Variants in GALNT13 observed in about 807,000 individuals in gnomAD.
GALNT13 encodes UDP-GalNAc:polypeptide N-acetylgalactosaminyltransferase 13.
In GALNT13, 28 loss-of-function variants were observed where a neutral mutation model predicts 64.2. The observed-to-expected ratio is 0.44, with a 90% CI of 0.32 to 0.60. The LOEUF is 0.60. GALNT13 is among the 20% of genes least tolerant of loss of function. The probability of loss-of-function intolerance (pLI) is 0.05; values close to 1 mark genes in which losing one functional copy is unlikely to be tolerated. For synonymous variants in GALNT13, 214 were observed against 224.6 expected (o/e 0.95, Z 0.42); for missense variants, 577 against 669.8 (o/e 0.86, Z 1.53).
chr2:153,933,888 T>A (rs551250856), intron 2 of GALNT13, among the ~76,000 whole-genome samples: 1 of 152,318 alleles, frequency 6.6e-6, no homozygotes, highest in South Asian at 2.1e-4. Context: ...TTAGTTGGAC[T>A]TTCTTTTCTT....
the GALNT13 span, among the ~76,000 whole-genome samples, chr2:153,076,907 G>A: frequency 1.4e-4 from 21 of 151,000 alleles, no homozygotes; most frequent in East Asian, 1.4e-3. Context: ...CTAATCTTGC[G>A]TTTTTTGTTT....
At chr2:153,927,171 CT>C (rs780144907) in intron 2 of GALNT13, among the ~76,000 whole-genome samples, 1 of 151,952 alleles carries the variant, frequency 6.6e-6, no homozygotes, top group Non-Finnish European at 1.5e-5. Flanking sequence ...AACGCTATTT[CT>C]TTCCAAAAAT....
intron 3 of GALNT13, among the ~76,000 whole-genome samples, chr2:154,070,878 G>T (rs1354735443): frequency 1.3e-5 from 2 of 151,348 alleles, no homozygotes; most frequent in Non-Finnish European, 2.9e-5. Context: ...TTGCACCGCT[G>T]AGCTCCAGCC....
At chr2:153,186,568 G>A in the GALNT13 span, among the ~76,000 whole-genome samples, 1 of 151,562 alleles carries the variant, frequency 6.6e-6, no homozygotes. Context: ...GTACTTCAGT[G>A]AGTATTTTTT....
chr2:153,848,693 C>T, the GALNT13 span, among the ~76,000 whole-genome samples: 3 of 151,862 alleles, frequency 2.0e-5, no homozygotes, highest in African/African-American at 7.2e-5. Context: ...AAAATATATG[C>T]TATCAATATG....
At chr2:153,859,554 C>T in the GALNT13 span, among the ~76,000 whole-genome samples, 2 of 151,810 alleles carry the variant, frequency 1.3e-5, no homozygotes, top group African/African-American at 4.8e-5. Context: ...AAATATTTCC[C>T]TTAGTAGAAA....
At chr2:153,884,327 A>G (rs1008491048) in intron 1 of GALNT13, among the ~76,000 whole-genome samples, 2 of 152,008 alleles carry the variant, frequency 1.3e-5, no homozygotes, top group African/African-American at 4.8e-5. Context: ...CCAGATTTCC[A>G]CAGATTCCAA....
the GALNT13 span, among the ~76,000 whole-genome samples, chr2:153,254,231 T>C: frequency 6.6e-6 from 1 of 152,232 alleles, no homozygotes; most frequent in Admixed American, 6.5e-5. Context: ...ATCCATTTCT[T>C]CTAGATTTTC....
At chr2:153,196,951 C>A in the GALNT13 span, among the ~76,000 whole-genome samples, 1 of 152,222 alleles carries the variant, frequency 6.6e-6, no homozygotes, top group South Asian at 2.1e-4. Flanking sequence ...AGACAGCCTG[C>A]TGCTGCCATC....
chr2:153,723,456 A>C, the GALNT13 span, among the ~76,000 whole-genome samples: 10,746 of 139,824 alleles, frequency 0.077, 553 homozygotes, highest in African/African-American at 0.18. Context: ...CTGGCCAGGG[A>C]AATCAGGCAG....
chr2:153,817,949 A>G, the GALNT13 span, among the ~76,000 whole-genome samples: 1 of 152,134 alleles, frequency 6.6e-6, no homozygotes, highest in Non-Finnish European at 1.5e-5. Context: ...CACTGCTCGC[A>G]TGGAAAGGAA....
chr2:153,142,251 T>C, the GALNT13 span, among the ~76,000 whole-genome samples: 4 of 152,040 alleles, frequency 2.6e-5, no homozygotes, highest in African/African-American at 9.7e-5. Flanking sequence ...GGCTACTTAA[T>C]GTTAACACTG....
the GALNT13 span, among the ~76,000 whole-genome samples, chr2:153,291,744 GAAA>G: frequency 7.4e-6 from 1 of 134,864 alleles, no homozygotes. Context: ...TGTTCAAAAG[GAAA>G]AAAAAAAAAA....
chr2:153,795,978 C>A, the GALNT13 span, among the ~76,000 whole-genome samples: 1 of 152,208 alleles, frequency 6.6e-6, no homozygotes, highest in African/African-American at 2.4e-5. Context: ...TTTTCACCTG[C>A]AGATCAAATT....
chr2:153,474,649 G>A, the GALNT13 span, among the ~76,000 whole-genome samples: 1 of 152,174 alleles, frequency 6.6e-6, no homozygotes, highest in Non-Finnish European at 1.5e-5. Flanking sequence ...TAAGCTAAGA[G>A]GTATCACTAG....
At chr2:153,110,709 G>A in the GALNT13 span, among the ~76,000 whole-genome samples, 3 of 152,020 alleles carry the variant, frequency 2.0e-5, no homozygotes, top group African/African-American at 4.8e-5. Flanking sequence ...CTGTGTATGC[G>A]ATTATAACTG....
the GALNT13 span, among the ~76,000 whole-genome samples, chr2:153,166,385 C>A: frequency 2.0e-5 from 3 of 152,118 alleles, no homozygotes; most frequent in African/African-American, 7.2e-5. Context: ...TGTGGGCTGC[C>A]TGTATGGGTA....
At chr2:154,445,039 GA>G (rs1317958252) in intron 12 of GALNT13, among the ~76,000 whole-genome samples, 3 of 151,794 alleles carry the variant, frequency 2.0e-5, no homozygotes, top group Non-Finnish European at 2.9e-5. Flanking sequence ...AGTATACTGA[GA>G]AAAAAATGAA....
chr2:153,703,717 A>T, the GALNT13 span, among the ~76,000 whole-genome samples: 1 of 152,150 alleles, frequency 6.6e-6, no homozygotes, highest in South Asian at 2.1e-4. Context: ...ACCAAGCTGA[A>T]AGTAGAATCT....
Sources: allele counts gnomAD v4.1 joint callset (sites outside exome capture counted in the v4.1 genomes callset), GRCh38; gene constraint gnomAD v4.1.1; transcripts MANE v1.5; gene names NCBI Gene and HGNC (gene_info 2026-07-23, HGNC 2026-07-21).